The following FBXL7 variants were observed in gnomAD, a reference collection of about 807,000 sequenced individuals.
FBXL7 encodes F-box and leucine rich repeat protein 7.
A neutral mutation model predicts 38.3 loss-of-function variants in FBXL7; 12 were observed. The ratio of observed to expected loss-of-function variants is 0.31; its 90% CI spans 0.20 to 0.51. The LOEUF (loss-of-function observed/expected upper bound fraction) is 0.51. Among genes scored for constraint, FBXL7 ranks in the 20% least tolerant of loss-of-function variants. The pLI, the probability that FBXL7 is intolerant of heterozygous loss-of-function variation, is 0.98. For missense variants in FBXL7, 567 were observed against 676.4 expected, an observed-to-expected ratio of 0.84 and a Z score of 1.79; for synonymous variants, 297 against 300.9, an observed-to-expected ratio of 0.99 and a Z score of 0.13.
intron 2 of FBXL7, among the ~76,000 whole-genome samples, chr5:15,711,527 A>G (rs1012319428): frequency 2.3e-4 from 35 of 152,178 alleles, no homozygotes; most frequent in African/African-American, 8.2e-4. Context: ...TAGGACTTCA[A>G]CATAACTTTA....
Position 15,928,071 on chromosome 5 carries a change from C to T in FBXL7, c.309C>T (p.Leu103=), listed in dbSNP as rs777868901. 54 of 1,585,506 alleles carry T rather than the reference C, an allele frequency of 3.4e-5. No individual in the cohort carries two copies. The highest frequency in any genetic ancestry group is 4.2e-5 in the Non-Finnish European group (49 of 1,164,542). Residue 103 remains leucine (L), a synonymous_variant, in exon 3 of 4, where the codon CTC becomes CTT. Transcript: ENST00000504595. This position sits in a 1 kb window ranked among gnomAD's most constrained non-coding sequence, Gnocchi z 4.0. ...PTRLTHPLIR[L]ASRPQKEQAS... ...GCCTCACACACCCGCTCATCCGGCTCGCCTCCAGACCCCAGAAGGAGCAGG... is the reference window on the plus strand; with the variant it reads ...GCCTCACACACCCGCTCATCCGGCTTGCCTCCAGACCCCAGAAGGAGCAGG...
chr5:15,721,118 T>C (rs1471642637), intron 2 of FBXL7, among the ~76,000 whole-genome samples: 1 of 152,184 alleles, frequency 6.6e-6, no homozygotes, highest in Non-Finnish European at 1.5e-5. Flanking sequence ...ATAGAGAATA[T>C]ACATATAAGG....
intron 2 of FBXL7, among the ~76,000 whole-genome samples, chr5:15,743,973 A>C (rs1229400422): frequency 6.6e-6 from 1 of 152,168 alleles, no homozygotes; most frequent in Non-Finnish European, 1.5e-5. Flanking sequence ...CTGGGACATA[A>C]GGCACCAAGT....
chr5:15,854,833 C>T (rs949750823), intron 2 of FBXL7, among the ~76,000 whole-genome samples: 2 of 151,940 alleles, frequency 1.3e-5, no homozygotes, highest in African/African-American at 4.8e-5. Context: ...ATGGTTATTC[C>T]CTTCTCACAA....
chr5:15,801,903 T>G (rs1030740300), intron 2 of FBXL7, among the ~76,000 whole-genome samples: 1 of 151,988 alleles, frequency 6.6e-6, no homozygotes, highest in African/African-American at 2.4e-5. Context: ...TTTTGAGAGA[T>G]GTGTATCTAT....
chr5:15,634,878 T>A (rs940647082), intron 2 of FBXL7, among the ~76,000 whole-genome samples: 1 of 152,252 alleles, frequency 6.6e-6, no homozygotes, highest in South Asian at 2.1e-4. Context: ...TCTCTGACTC[T>A]CCTCCTTCTC....
At chr5:15,711,135 A>T (rs964541979) in intron 2 of FBXL7, among the ~76,000 whole-genome samples, 1 of 152,212 alleles carries the variant, frequency 6.6e-6, no homozygotes, top group African/African-American at 2.4e-5. Context: ...CTTCCCAGCC[A>T]CATGAAACTG....
At chr5:15,783,915 C>CT (rs1737067288) in intron 2 of FBXL7, among the ~76,000 whole-genome samples, 1 of 152,152 alleles carries the variant, frequency 6.6e-6, no homozygotes, top group South Asian at 2.1e-4. Context: ...GAAACTTGCA[C>CT]TTTTGGCAAT....
intron 2 of FBXL7, among the ~76,000 whole-genome samples, chr5:15,640,413 A>C (rs1741322190): frequency 6.6e-6 from 1 of 152,114 alleles, no homozygotes. Flanking sequence ...GCAGTTATAG[A>C]ATTGAGGGTC....
intron 2 of FBXL7, among the ~76,000 whole-genome samples, chr5:15,756,635 C>T (rs1421859561): frequency 6.6e-6 from 1 of 152,040 alleles, no homozygotes. Flanking sequence ...CTGTTCTTAA[C>T]CAGGGATAAT....
intron 2 of FBXL7, among the ~76,000 whole-genome samples, chr5:15,796,126 A>G (rs1737410131): frequency 6.6e-6 from 1 of 152,210 alleles, no homozygotes; most frequent in Non-Finnish European, 1.5e-5. Flanking sequence ...GTTTTCTGCC[A>G]TAGAAACCAA....
chr5:15,704,315 G>A (rs892991996), intron 2 of FBXL7, among the ~76,000 whole-genome samples: 2 of 152,134 alleles, frequency 1.3e-5, no homozygotes, highest in African/African-American at 2.4e-5. Context: ...TCCCTGCCTT[G>A]GAAATTCAAA....
intron 1 of FBXL7, among the ~76,000 whole-genome samples, chr5:15,537,959 C>T (rs1737633946): frequency 6.6e-6 from 1 of 152,104 alleles, no homozygotes; most frequent in Non-Finnish European, 1.5e-5. Flanking sequence ...CATGAAAGAC[C>T]CTGAGCTATG....
chr5:15,631,841 A>G (rs1456415702), intron 2 of FBXL7, among the ~76,000 whole-genome samples: 2 of 152,096 alleles, frequency 1.3e-5, no homozygotes, highest in African/African-American at 4.8e-5. Context: ...CTGGTCAGAA[A>G]CCAACTTCTA....
At chr5:15,679,611 T>G (rs1172919661) in intron 2 of FBXL7, among the ~76,000 whole-genome samples, 2 of 148,972 alleles carry the variant, frequency 1.3e-5, no homozygotes, top group African/African-American at 4.9e-5. Flanking sequence ...CAAATAGACA[T>G]GCCAAAATGT....
At chr5:15,831,778 A>G (rs257735) in intron 2 of FBXL7, among the ~76,000 whole-genome samples, 85,854 of 151,830 alleles carry the variant, frequency 0.57, 24,842 homozygotes, top group Non-Finnish European at 0.63. Context: ...GGGGCAGGAT[A>G]TGAGAAGGGG....
chr5:15,698,636 C>T (rs1367281526), intron 2 of FBXL7, among the ~76,000 whole-genome samples: 1 of 152,270 alleles, frequency 6.6e-6, no homozygotes, highest in Admixed American at 6.5e-5. Flanking sequence ...TTCTGTCTGT[C>T]TTTTCTCTGT....
intron 2 of FBXL7, among the ~76,000 whole-genome samples, chr5:15,849,846 G>T (rs972227982): frequency 6.6e-6 from 1 of 152,132 alleles, no homozygotes; most frequent in Non-Finnish European, 1.5e-5. Context: ...TTTAGCTTCT[G>T]CCTCGTCTGT....
At chr5:15,885,053 C>T (rs549363259) in intron 2 of FBXL7, among the ~76,000 whole-genome samples, 3 of 152,272 alleles carry the variant, frequency 2.0e-5, no homozygotes, top group South Asian at 2.1e-4. Flanking sequence ...CACTGCTTGG[C>T]GCCAGCTGCA....
Sources: gnomAD v4.1 joint callset for allele counts (sites outside exome capture counted in the v4.1 genomes callset) on GRCh38, gnomAD v4.1.1 for gene constraint, Gnocchi (gnomAD v3.1) non-coding constraint, MANE v1.5 for transcripts, NCBI Gene and HGNC (gene_info 2026-07-23, HGNC 2026-07-21) for gene names.